DACH2: variants seen among roughly 807,000 people sequenced by gnomAD.
DACH2 encodes dachshund family transcription factor 2.
DACH2 carries 17 observed loss-of-function variants against 35.8 expected under a neutral mutation model. The ratio of observed to expected loss-of-function variants is 0.48; its 90% confidence interval spans 0.33 to 0.71. DACH2 has a LOEUF of 0.71. DACH2 is among the 30% of genes least tolerant of loss of function. The pLI is 0.02. For synonymous variants in DACH2, 195 were observed against 177.3 expected (o/e 1.10, Z -0.79); for missense variants, 469 against 472.7 (o/e 0.99, Z 0.07).
intron 3 of DACH2, among the ~76,000 whole-genome samples, chrX:86,643,344 A>G (rs2040371394): frequency 9.0e-6 from 1 of 110,901 alleles, no homozygotes; most frequent in South Asian, 3.8e-4. Flanking sequence ...ATTTCTACAC[A>G]CACAAACTAG....
intron 2 of DACH2, among the ~76,000 whole-genome samples, chrX:86,392,913 CAATGTTTGG>C (rs1429043999): frequency 9.0e-6 from 1 of 110,695 alleles, no homozygotes; most frequent in Non-Finnish European, 1.9e-5. Context: ...GGACATTTGG[CAATGTTTGG>C]AGGCCTTTTT....
chrX:86,489,534 C>CA (rs1204508719), intron 2 of DACH2, among the ~76,000 whole-genome samples: 51 of 110,343 alleles, frequency 4.6e-4, no homozygotes, highest in Non-Finnish European at 8.2e-4. Flanking sequence ...GTTCTTGCCT[C>CA]AAAAAAATAT....
At chrX:86,689,163 A>G (rs925057536) in intron 4 of DACH2, among the ~76,000 whole-genome samples, 1 of 112,087 alleles carries the variant, frequency 8.9e-6, no homozygotes, top group Non-Finnish European at 1.9e-5. Flanking sequence ...AATAATTATT[A>G]TCTATTTTCT....
chrX:86,753,882 T>C (rs55679318), intron 7 of DACH2, among the ~76,000 whole-genome samples: 4 of 109,979 alleles, frequency 3.6e-5, no homozygotes, highest in African/African-American at 1.3e-4. Context: ...GTTTTATCTT[T>C]TGATCTCTCT....
At chrX:86,322,335 T>C (rs1046637924) in intron 1 of DACH2, among the ~76,000 whole-genome samples, 1 of 109,455 alleles carries the variant, frequency 9.1e-6, no homozygotes, top group African/African-American at 3.3e-5. Context: ...TCCAGAGGAG[T>C]GTGGGCCTAA....
intron 1 of DACH2, among the ~76,000 whole-genome samples, chrX:86,178,771 A>T (rs1009204881): frequency 8.9e-6 from 1 of 111,779 alleles, no homozygotes; most frequent in African/African-American, 3.2e-5. Context: ...CCTCATGTAC[A>T]TAAAGTGCTT....
chrX:86,635,146 A>G (rs1422440774), intron 3 of DACH2, among the ~76,000 whole-genome samples: 1 of 111,292 alleles, frequency 9.0e-6, no homozygotes, highest in Admixed American at 9.6e-5. Flanking sequence ...CAAATTCTAC[A>G]GCACATCAAA....
At chrX:86,520,715 G>T (rs935268375) in intron 3 of DACH2, among the ~76,000 whole-genome samples, 1 of 111,302 alleles carries the variant, frequency 9.0e-6, no homozygotes, top group Non-Finnish European at 1.9e-5. Context: ...AATTAAGGTT[G>T]CAACTCCTGC....
intron 4 of DACH2, among the ~76,000 whole-genome samples, chrX:86,684,009 G>A (rs777817816): frequency 1.3e-4 from 14 of 110,683 alleles, no homozygotes; most frequent in African/African-American, 3.3e-4. Flanking sequence ...ATTTTGCGTC[G>A]GTCTCTATCT....
intron 1 of DACH2, among the ~76,000 whole-genome samples, chrX:86,176,903 CTTA>C (rs1184672351): frequency 1.8e-5 from 2 of 111,802 alleles, no homozygotes; most frequent in African/African-American, 6.5e-5. Flanking sequence ...GTTTGTTGAT[CTTA>C]TTAGTACGTC....
chrX:86,684,486 T>TTTATGTTATGGGTATATA (rs1203622896), intron 4 of DACH2, among the ~76,000 whole-genome samples: 2 of 111,181 alleles, frequency 1.8e-5, no homozygotes, highest in Non-Finnish European at 3.8e-5. Context: ...GTATATATAC[T>TTTATGTTATGGGTATATA]TAAATTATGT....
At chrX:86,456,122 C>T (rs187493980) in intron 2 of DACH2, among the ~76,000 whole-genome samples, 99 of 111,994 alleles carry the variant, frequency 8.8e-4, no homozygotes, top group African/African-American at 3.1e-3. Flanking sequence ...GGGCCTTCAC[C>T]CCACCCTGCT....
intron 6 of DACH2, among the ~76,000 whole-genome samples, chrX:86,724,302 T>G (rs1363096315): frequency 1.0e-5 from 1 of 98,955 alleles, no homozygotes; most frequent in East Asian, 3.0e-4. Context: ...AGTTTTATAC[T>G]TCCACATGTT....
At chrX:86,303,145 G>A (rs1163476180) in intron 1 of DACH2, among the ~76,000 whole-genome samples, 1 of 104,387 alleles carries the variant, frequency 9.6e-6, no homozygotes, top group Admixed American at 1.1e-4. Context: ...GGATATTGGA[G>A]GAAAACATAC....
At chrX:86,414,996 A>G (rs758587867) in intron 2 of DACH2, among the ~76,000 whole-genome samples, 10 of 111,709 alleles carry the variant, frequency 9.0e-5, no homozygotes, top group Non-Finnish European at 1.9e-4. Context: ...AATACTTTGT[A>G]TTCTTCAATC....
intron 5 of DACH2, among the ~76,000 whole-genome samples, chrX:86,711,013 A>G (rs2041271838): frequency 8.9e-6 from 1 of 112,187 alleles, no homozygotes; most frequent in Non-Finnish European, 1.9e-5. Context: ...TTTCATGGCT[A>G]GAAGGAGGTG....
intron 3 of DACH2, among the ~76,000 whole-genome samples, chrX:86,538,854 A>G (rs1246394323): frequency 9.0e-6 from 1 of 111,628 alleles, no homozygotes. Context: ...GAGTTATGAG[A>G]TAATTTTATT....
chrX:86,625,357 G>T (rs1425974458), intron 3 of DACH2, among the ~76,000 whole-genome samples: 1 of 109,535 alleles, frequency 9.1e-6, no homozygotes, highest in Non-Finnish European at 1.9e-5. Context: ...GCATATATCA[G>T]ATAATGACAC....
intron 1 of DACH2, among the ~76,000 whole-genome samples, chrX:86,324,771 G>A (rs770866039): frequency 9.3e-6 from 1 of 108,024 alleles, no homozygotes; most frequent in Non-Finnish European, 1.9e-5. Context: ...TAGAAATGGG[G>A]TTTCACTGTG....
Sources: allele counts gnomAD v4.1 joint callset (sites outside exome capture counted in the v4.1 genomes callset), GRCh38; gene constraint gnomAD v4.1.1; transcripts MANE v1.5; gene names NCBI Gene and HGNC (gene_info 2026-07-23, HGNC 2026-07-21).